Variants in UTS2B observed in about 807,000 individuals in gnomAD.
UTS2B encodes urotensin 2B, also known as urotensin-2B.
A neutral mutation model predicts 19.2 loss-of-function variants in UTS2B; 21 were observed. The ratio of observed to expected loss-of-function variants is 1.09; its 90% CI spans 0.78 to 1.58. The LOEUF is 1.58. Among genes scored for constraint, UTS2B ranks in the 40% most tolerant of loss-of-function variants. The pLI, the probability that UTS2B is intolerant of heterozygous loss-of-function variation, is 0.00. For synonymous variants in UTS2B, 57 were observed against 50.2 expected, an observed-to-expected ratio of 1.14 and a Z score of -0.58; for missense variants, 138 against 130.3, an observed-to-expected ratio of 1.06 and a Z score of -0.29.
chr3:191,329,409 A>G, intron 1 of UTS2B: 1 of 399,918 alleles, frequency 2.5e-6, no homozygotes, highest in East Asian at 4.6e-5. Flanking sequence ...CGGGCTCCGG[A>G]TATTTGGTAT....
chr3:191,270,699 C>G (rs955442581), intron 8 of UTS2B, among the ~76,000 whole-genome samples: 5 of 152,140 alleles, frequency 3.3e-5, no homozygotes, highest in African/African-American at 1.2e-4. Flanking sequence ...CAATCCTTGG[C>G]AAGGCCATTA....
the UTS2B span, among the ~76,000 whole-genome samples, chr3:191,341,073 A>G: frequency 6.6e-6 from 1 of 151,710 alleles, no homozygotes; most frequent in Non-Finnish European, 1.5e-5. Context: ...TGATCCTCCC[A>G]GCTTAGCCTG....
chr3:191,313,697 A>C (rs1226846475), intron 3 of UTS2B, among the ~76,000 whole-genome samples: 1 of 151,496 alleles, frequency 6.6e-6, no homozygotes, highest in Non-Finnish European at 1.5e-5. Flanking sequence ...AAAAACTTAA[A>C]ACTAAGACAA....
intron 4 of UTS2B, among the ~76,000 whole-genome samples, chr3:191,284,424 C>T (rs1328715174): frequency 6.6e-6 from 1 of 151,778 alleles, no homozygotes; most frequent in Non-Finnish European, 1.5e-5. Context: ...CAGGTTCAAT[C>T]GATTCCCCTG....
At chr3:191,298,003 G>A (rs1179793760) in intron 4 of UTS2B, among the ~76,000 whole-genome samples, 1 of 152,166 alleles carries the variant, frequency 6.6e-6, no homozygotes, top group Non-Finnish European at 1.5e-5. Context: ...CATGTAAGAT[G>A]TTTAGGCTAA....
At chr3:191,276,066 T>C (rs1214935722) in intron 7 of UTS2B, among the ~76,000 whole-genome samples, 1 of 152,194 alleles carries the variant, frequency 6.6e-6, no homozygotes, top group African/African-American at 2.4e-5. Context: ...CCTGAATTTT[T>C]TGTCTTTTCT....
intron 2 of UTS2B, among the ~76,000 whole-genome samples, chr3:191,318,181 T>G (rs796781921): frequency 3.6e-4 from 55 of 152,356 alleles, no homozygotes; most frequent in African/African-American, 1.3e-3. Context: ...CTGTTTTCCT[T>G]TTCTCCATTC....
intron 3 of UTS2B, among the ~76,000 whole-genome samples, chr3:191,313,191 C>T (rs1717351535): frequency 6.6e-6 from 1 of 152,088 alleles, no homozygotes; most frequent in Admixed American, 6.5e-5. Context: ...GATGAGGTTT[C>T]ACCATATTGG....
intron 3 of UTS2B, among the ~76,000 whole-genome samples, chr3:191,315,799 A>G (rs1717431699): frequency 1.3e-5 from 2 of 152,180 alleles, no homozygotes; most frequent in Admixed American, 6.5e-5. Flanking sequence ...ATGTTTTTAA[A>G]TTTTATTAGT....
chr3:191,327,614 A>C (rs1717779711), intron 2 of UTS2B, among the ~76,000 whole-genome samples: 1 of 152,214 alleles, frequency 6.6e-6, no homozygotes, highest in African/African-American at 2.4e-5. Context: ...AAAGGAAAGA[A>C]GAATACTCTG....
chr3:191,278,150 T>A lies in UTS2B; in HGVS notation c.124A>T (p.Lys42Ter). The A allele has an allele frequency of 1.9e-6, 3 of 1,539,238 alleles. No homozygotes were observed. Among genetic ancestry groups the A allele is most frequent in the Non-Finnish European group, 2.6e-6 (3 of 1,142,452 alleles). Residue 42 changes from lysine to a stop codon, truncating the protein, a stop_gained, in exon 6 of 9, where the codon AAA becomes TAA. Coordinates refer to ENST00000340524, the MANE Select transcript of UTS2B (RefSeq NM_198152.5). LOFTEE classifies it high-confidence loss of function. ...LTQGNEIFPD[K>*]KYTNREELLL... is the part of the protein sequence containing the mutation. ...AGTTCCTCACGATTTGTATATTTTT[T>A]ATCTGGAAATATTTCATTTCCTATA...
rs934989788 is a variant in UTS2B, at chr3:191,329,430, C to T, written c.-664-721G>A. ...CCGGATATTTGGTATCGATTGGGGC[C>T]GGGGACGCGGAGCAGGTGGCCGCGG... is the stretch of plus-strand genomic sequence containing the variant. On this transcript the variant is annotated intron_variant, in intron 1 of 8. Transcript: ENST00000340524. 4 of 447,372 alleles carry T rather than the reference C, an allele frequency of 8.9e-6. No homozygotes were observed. The East Asian group carries it at 1.2e-4, about 13-fold the overall frequency. The allele number at this position is 447,372 out of a possible 1,614,324, so 27.7% of individuals were successfully genotyped here. A position where few individuals can be genotyped will look rare whatever the true frequency, so the allele number is the denominator to read the frequency against.
chr3:191,316,862 T>G (rs75189033), intron 2 of UTS2B, among the ~76,000 whole-genome samples: 2 of 151,940 alleles, frequency 1.3e-5, no homozygotes, highest in African/African-American at 4.8e-5. Flanking sequence ...AGCTAGACAC[T>G]GAGTGCTGAT....
chr3:191,305,338 T>C (rs1279868683), intron 3 of UTS2B, among the ~76,000 whole-genome samples: 1 of 152,200 alleles, frequency 6.6e-6, no homozygotes, highest in Non-Finnish European at 1.5e-5. Flanking sequence ...TATTATTTTT[T>C]GACATTTTAA....
rs1576935018 is a variant in UTS2B, at chr3:191,317,679, TGC to T, written c.-585-1242_-585-1241del. Among the ~76,000 whole-genome samples the T allele has an allele frequency of 3.3e-5, 5 of 152,110 alleles. No homozygotes were observed. In the East Asian group the frequency reaches 9.7e-4, roughly 29 times the overall value. ...CTGCAACCTCTGCCTCCCTGGTTAATGCGATTCTCCTTACTCAGCCTCCCGAG... is the reference window on the plus strand; with the variant it reads ...CTGCAACCTCTGCCTCCCTGGTTAATGATTCTCCTTACTCAGCCTCCCGAG... On this transcript the variant is annotated intron_variant, in intron 2 of 8. Transcript: ENST00000340524.
chr3:191,278,733 C>T lies in UTS2B; in HGVS notation c.104-563G>A, dbSNP rs147615806. 5.4e-3 allele frequency among the ~76,000 whole-genome samples: 825 copies of T among 152,064 alleles called. 10 individuals carry two copies. Among genetic ancestry groups the T allele is most frequent in the African/African-American group, 0.018 (756 of 41,518 alleles). ...TCAATTTACCTCACAGCCATTCATT[C>T]CTCAGGTCCCTAAATGTCTCAGTAC... On this transcript the variant is annotated intron_variant, in intron 5 of 8. Transcript: ENST00000340524.
intron 4 of UTS2B, among the ~76,000 whole-genome samples, chr3:191,292,226 G>A (rs914138049): frequency 6.6e-6 from 1 of 151,682 alleles, no homozygotes; most frequent in African/African-American, 2.4e-5. Context: ...TGTTATGCCT[G>A]GATCTGTGAA....
chr3:191,343,653 TA>T, the UTS2B span, among the ~76,000 whole-genome samples: 1 of 152,224 alleles, frequency 6.6e-6, no homozygotes, highest in Non-Finnish European at 1.5e-5. Flanking sequence ...AGTTGTTTTT[TA>T]AAGAAGGTAC....
intron 4 of UTS2B, among the ~76,000 whole-genome samples, chr3:191,293,169 G>C (rs1716763686): frequency 6.6e-6 from 1 of 151,320 alleles, no homozygotes; most frequent in Admixed American, 6.6e-5. Flanking sequence ...TATTTTATTA[G>C]CAACTTTTGC....
Sources: gnomAD v4.1 joint callset for allele counts (sites outside exome capture counted in the v4.1 genomes callset) on GRCh38, gnomAD v4.1.1 for gene constraint, MANE v1.5 for transcripts, NCBI Gene and HGNC (gene_info 2026-07-23, HGNC 2026-07-21) for gene names.